The following PINX1 variants were observed in gnomAD, a reference collection of about 807,000 sequenced individuals.
The protein encoded by PINX1 is PIN2 (TERF1) interacting telomerase inhibitor 1.
A neutral mutation model predicts 25.4 loss-of-function variants in PINX1; 34 were observed. The ratio of observed to expected loss-of-function variants is 1.34; its 90% CI spans 1.02 to 1.78. The LOEUF is 1.78. Among genes scored for constraint, PINX1 ranks in the 40% most tolerant of loss-of-function variants. PINX1 has a pLI of 0.00. For missense variants in PINX1, 592 were observed against 404.9 expected (o/e 1.46, Z -3.97); for synonymous variants, 197 against 147.7 (o/e 1.33, Z -2.42).
intron 6 of PINX1, among the ~76,000 whole-genome samples, chr8:10,805,465 G>C (rs945546615): frequency 2.0e-5 from 3 of 152,004 alleles, no homozygotes; most frequent in Admixed American, 6.6e-5. Context: ...GTGGGTGGCA[G>C]AGCACAGGAA....
rs553802961 is a variant in PINX1 at position 10,802,702 on chromosome 8, A to G, written c.471+17491T>C. ...TGCTTCTACACCTCACTTCGGTCCC[A>G]TGGGATCTGGGCGAAGATCTCTATG... On this transcript the variant is annotated intron_variant, in intron 6 of 6. Transcript: ENST00000314787. 1.8e-4 allele frequency among the ~76,000 whole-genome samples: 28 copies of G among 152,278 alleles called. 1 individual carries two copies. The highest frequency in any genetic ancestry group is 2.8e-4 in the Non-Finnish European group (19 of 68,022).
chr8:10,787,070 A>G (rs1358765420), intron 6 of PINX1, among the ~76,000 whole-genome samples: 1 of 151,870 alleles, frequency 6.6e-6, no homozygotes, highest in Admixed American at 6.6e-5. Flanking sequence ...CTCTTACCCA[A>G]TTTTTCCCAT....
Position 10,826,004 on chromosome 8 carries a change from T to C in PINX1, c.394+148A>G, listed in dbSNP as rs1378031811. On this transcript the variant is annotated intron_variant, in intron 5 of 6. Transcript: ENST00000314787. ...AGATCCTCAGGCACACCACAGTCAATGCGAAGACTCCAGCGCTGTTTCACA... is the reference window on the plus strand; with the variant it reads ...AGATCCTCAGGCACACCACAGTCAACGCGAAGACTCCAGCGCTGTTTCACA... 16 of 542,818 alleles carry C rather than the reference T, an allele frequency of 2.9e-5. No individual in the cohort carries two copies. In the Admixed American group the frequency reaches 5.1e-4, roughly 17 times the overall value. The allele number at this position is 542,818 out of a possible 1,614,324, so 33.6% of individuals were successfully genotyped here.
chr8:10,824,213 G>A lies in PINX1; in HGVS notation c.394+1939C>T, dbSNP rs116570495. Among the ~76,000 whole-genome samples the A allele has an allele frequency of 6.5e-3, 989 of 152,272 alleles. 12 individuals carry two copies. The highest frequency in any genetic ancestry group is 0.023 in the African/African-American group (952 of 41,542). On this transcript the variant is annotated intron_variant, in intron 5 of 6. Transcript: ENST00000314787. ...AGGAAACTGAGTCTGAAGGGAAATG[G>A]GTAGGTGACTTGTCTGAGCGAGTAA...
At chr8:10,820,382 A>T in intron 5 of PINX1, 113 bp from the exon 6 acceptor site, 1 of 745,906 alleles carries the variant, frequency 1.3e-6, no homozygotes, top group Non-Finnish European at 2.4e-6. Context: ...AGAAAGAAAC[A>T]ATTTTGAAAC....
chr8:10,825,148 T>C (rs1797997428), intron 5 of PINX1, among the ~76,000 whole-genome samples: 1 of 152,230 alleles, frequency 6.6e-6, no homozygotes, highest in Non-Finnish European at 1.5e-5. Context: ...CCCTCACTTT[T>C]GGGCTCCTGG....
At chr8:10,802,958 T>C (rs1050877770) in intron 6 of PINX1, among the ~76,000 whole-genome samples, 28 of 152,272 alleles carry the variant, frequency 1.8e-4, no homozygotes, top group African/African-American at 6.0e-4. Context: ...AAAAATAAAT[T>C]GGACACTAGC....
intron 4 of PINX1, among the ~76,000 whole-genome samples, chr8:10,826,665 T>A (rs561275584): frequency 6.6e-6 from 1 of 152,258 alleles, no homozygotes; most frequent in Admixed American, 6.5e-5. Flanking sequence ...GGAATACCAC[T>A]CCACAGTAAA....
chr8:10,783,778 G>C (rs1488253758), intron 6 of PINX1, among the ~76,000 whole-genome samples: 1 of 152,198 alleles, frequency 6.6e-6, no homozygotes, highest in Non-Finnish European at 1.5e-5. Flanking sequence ...AATGATTAAA[G>C]TACTATTACT....
rs76307020 is a variant in PINX1, at chr8:10,813,591, G to C, written c.471+6602C>G. On this transcript the variant is annotated intron_variant, in intron 6 of 6. Coordinates refer to ENST00000314787, the MANE Select transcript of PINX1 (RefSeq NM_017884.6). ...AGAAAGGAACACAAACTGCAAAGAA[G>C]TCATGCTTTGCCTCAAAAAGCAAAA... 8.1e-3 allele frequency among the ~76,000 whole-genome samples: 1,239 copies of C among 152,292 alleles called. 19 individuals carry two copies. The highest frequency in any genetic ancestry group is 0.029 in the African/African-American group (1,185 of 41,564).
chr8:10,792,465 A>G (rs1801954396), intron 6 of PINX1, among the ~76,000 whole-genome samples: 1 of 152,082 alleles, frequency 6.6e-6, no homozygotes, highest in African/African-American at 2.4e-5. Context: ...CTCCCCCGTG[A>G]CGCTGTGCGC....
intron 6 of PINX1, among the ~76,000 whole-genome samples, chr8:10,817,395 G>A (rs1457242957): frequency 6.6e-6 from 1 of 152,190 alleles, no homozygotes; most frequent in African/African-American, 2.4e-5. Flanking sequence ...TCCTGCCTTT[G>A]ACTATAAGGG....
intron 6 of PINX1, among the ~76,000 whole-genome samples, chr8:10,772,322 T>C (rs1467609792): frequency 6.6e-6 from 1 of 152,200 alleles, no homozygotes; most frequent in Non-Finnish European, 1.5e-5. Context: ...GTCATTGAAA[T>C]GGGTTTGCCA....
intron 5 of PINX1, chr8:10,825,462 G>C: frequency 1.9e-6 from 1 of 534,680 alleles, no homozygotes; most frequent in Non-Finnish European, 3.8e-6. Context: ...GACAAACTGG[G>C]GAGTTGGTTC....
chr8:10,820,224 A>G lies in PINX1; in HGVS notation c.440T>C (p.Phe147Ser). The G allele has an allele frequency of 6.2e-7, 1 of 1,613,064 alleles. No homozygotes were observed. Among genetic ancestry groups the G allele is most frequent in the Non-Finnish European group, 8.5e-7 (1 of 1,179,114 alleles). ...AGTCTTCTTACTCTGTCTTTTCCCA[A>G]AAATGCAGTCAAGATCTGTTTTGCT... ...SRSKTDLDCIFGKRQSKKTPE... is the reference protein window; with the variant it reads ...SRSKTDLDCISGKRQSKKTPE... The change falls in exon 6 of 7, where the codon TTT becomes TCT. Residue 147 changes from phenylalanine (F) to serine (S), a missense_variant. By Grantham distance (155) the Phe-to-Ser change is radical. Transcript: ENST00000314787.
rs193016234 is a variant in PINX1, at chr8:10,826,140, G to A, written c.394+12C>T. On this transcript the variant is annotated intron_variant, in intron 5 of 6. Coordinates refer to ENST00000314787, the MANE Select transcript of PINX1 (RefSeq NM_017884.6). ...AGATTTCAATAACAAGTAAAGAAAT[G>A]CTTAATCTTACCTTTTGTGAATTTC... 2.3e-4 allele frequency: 331 copies of A among 1,434,088 alleles called. 1 individual carries two copies. In the African/African-American group the frequency reaches 3.8e-3, roughly 17 times the overall value. The allele number at this position is 1,434,088 out of a possible 1,614,324, so 88.8% of individuals were successfully genotyped here. A position where few individuals can be genotyped will look rare whatever the true frequency, so the allele number is the denominator to read the frequency against.
chr8:10,831,766 C>T (rs369201127), intron 3 of PINX1, 23 bp from the exon 4 acceptor site: 52 of 1,429,692 alleles, frequency 3.6e-5, no homozygotes, highest in Middle Eastern at 3.5e-4. Context: ...AAGAAATGAA[C>T]GAGAGGTAAG....
At chr8:10,766,016 A>G in intron 6 of PINX1, 100 bp from the exon 7 acceptor site, 1 of 1,179,566 alleles carries the variant, frequency 8.5e-7, no homozygotes, top group Non-Finnish European at 1.2e-6. Flanking sequence ...CCTGGCACCC[A>G]CACCCGGCGC....
At chr8:10,768,606 C>T (rs562191236) in intron 6 of PINX1, among the ~76,000 whole-genome samples, 2 of 152,194 alleles carry the variant, frequency 1.3e-5, no homozygotes, top group South Asian at 4.1e-4. Flanking sequence ...GTGCTGGCCA[C>T]ACAATGACTG....
Sources: allele counts gnomAD v4.1 joint callset (sites outside exome capture counted in the v4.1 genomes callset), GRCh38; gene constraint gnomAD v4.1.1; transcripts MANE v1.5; gene names NCBI Gene and HGNC (gene_info 2026-07-23, HGNC 2026-07-21).